The following ADCY3 variants were observed in gnomAD, a reference collection of about 807,000 sequenced individuals.
ADCY3 encodes the protein adenylate cyclase type 3.
ADCY3 carries 70 observed loss-of-function variants against 119.4 expected under a neutral mutation model. The ratio of observed to expected loss-of-function variants is 0.59; its 90% CI spans 0.48 to 0.72. The LOEUF is 0.72. Among genes scored for constraint, ADCY3 ranks in the 30% least tolerant of loss-of-function variants. The pLI, the probability that ADCY3 is intolerant of heterozygous loss-of-function variation, is 0.00. For missense variants in ADCY3, 1,238 were observed against 1,541.6 expected (o/e 0.80, Z 3.30); for synonymous variants, 672 against 621.4 (o/e 1.08, Z -1.21).
Position 24,842,400 on chromosome 2 carries a change from G to C in ADCY3, c.826-16C>G. 1 of 1,614,086 alleles carries C rather than the reference G, an allele frequency of 6.2e-7. No homozygotes were observed. The highest frequency in any genetic ancestry group is 1.1e-5 in the South Asian group (1 of 91,078). On this transcript the variant is annotated splice_polypyrimidine_tract_variant and intron_variant, in intron 3 of 21. Coordinates refer to ENST00000679454, the MANE Select transcript of ADCY3 (RefSeq NM_004036.5). The surrounding 1 kb of genome is among the most constrained non-coding windows in gnomAD (Gnocchi z 4.9). ...TGAGGTTCTCCTGTGAGGGGCAGGA[G>C]AGGGTCAGAGGCAAAGGTAGGCCCT...
rs766949371 is a variant in ADCY3, at chr2:24,822,606, C to T, written c.2908G>A (p.Val970Met). 1.2e-6 allele frequency: 2 copies of T among 1,614,048 alleles called. No individual in the cohort carries two copies. Among genetic ancestry groups the T allele is most frequent in the African/African-American group, 2.7e-5 (2 of 75,006 alleles). Residue 970 changes from valine to methionine, a missense_variant, in exon 19 of 22, where the codon GTG becomes ATG. Val to Met is a conservative substitution (Grantham distance 21). Coordinates refer to ENST00000679454, the MANE Select transcript of ADCY3 (RefSeq NM_004036.5). Reference sequence around the variant, plus strand: ...CCAATGGTTTTGATCTTGGTGATCACCCGGAACTTGGGATTGTCCAGGAGC... The same window carrying T: ...CCAATGGTTTTGATCTTGGTGATCATCCGGAACTTGGGATTGTCCAGGAGC... ...DSLLDNPKFR[V>M]ITKIKTIGST...
chr2:24,842,845 G>A lies in ADCY3; in HGVS notation c.826-461C>T, dbSNP rs747117855. Among the ~76,000 whole-genome samples, 2 of 152,320 alleles carry A rather than the reference G, an allele frequency of 1.3e-5. No homozygotes were observed. The highest frequency in any genetic ancestry group is 1.9e-4 in the East Asian group (1 of 5,182). ...ACCAGGCACTACACGAGGCGCCAGC[G>A]ACACAAAACCAGCAAGAACGTCCAC... On this transcript the variant is annotated intron_variant, in intron 3 of 21. Coordinates refer to ENST00000679454, the MANE Select transcript of ADCY3 (RefSeq NM_004036.5). The surrounding 1 kb of genome is among the most constrained non-coding windows in gnomAD (Gnocchi z 4.9).
At chr2:24,823,047 C>T (rs961310335) in intron 18 of ADCY3, among the ~76,000 whole-genome samples, 162 bp downstream of exon 18, 3 of 152,180 alleles carry the variant, frequency 2.0e-5, no homozygotes, top group African/African-American at 7.2e-5. Flanking sequence ...CCTCCCCTTC[C>T]CCAGCCCAGC....
chr2:24,838,888 C>T (rs753639311), intron 7 of ADCY3: 7 of 1,575,484 alleles, frequency 4.4e-6, no homozygotes, highest in Middle Eastern at 1.7e-4. Flanking sequence ...CACAGGAGTA[C>T]AATCTTTCTT....
chr2:24,839,133 G>A (rs981928901), intron 7 of ADCY3, among the ~76,000 whole-genome samples: 1 of 151,950 alleles, frequency 6.6e-6, no homozygotes, highest in Non-Finnish European at 1.5e-5. Context: ...GTAGAGATGG[G>A]GTTTCGTCAT....
chr2:24,895,864 A>T (rs1333135731), intron 2 of ADCY3, among the ~76,000 whole-genome samples: 1 of 152,130 alleles, frequency 6.6e-6, no homozygotes, highest in East Asian at 1.9e-4. Flanking sequence ...TTATGTGCTT[A>T]ATTTTAGATA....
At chr2:24,911,667 C>T (rs1663690258) in intron 2 of ADCY3, among the ~76,000 whole-genome samples, 1 of 128,144 alleles carries the variant, frequency 7.8e-6, no homozygotes, top group Admixed American at 7.4e-5. Flanking sequence ...AACACACACA[C>T]ACACACCACC....
chr2:24,870,784 C>T (rs1298931262), intron 3 of ADCY3, among the ~76,000 whole-genome samples: 2 of 152,190 alleles, frequency 1.3e-5, no homozygotes, highest in African/African-American at 4.8e-5. Flanking sequence ...CCCGTGCACT[C>T]GGCCTACCTC....
rs745502402 is a variant in ADCY3, at chr2:24,872,650, G to A, written c.745C>T (p.Arg249Cys). The A allele has an allele frequency of 4.7e-5, 76 of 1,614,068 alleles. 1 individual carries two copies. In the Admixed American group the frequency reaches 8.8e-4, roughly 19 times the overall value. The change falls in exon 3 of 22, where the codon CGC becomes TGC. Residue 249 changes from arginine (R) to cysteine (C), a missense_variant. Arg to Cys is a radical substitution (Grantham distance 180, BLOSUM62 -3). Transcript: ENST00000679454. The surrounding 1 kb of genome is among the most constrained non-coding windows in gnomAD (Gnocchi z 4.4). ...TCCAGGAAGGCCTTGCGGTGCTTGC[G>A]GTCAGCCATGTAGTAGGACATGATG... Reference protein sequence around the residue: ...VGIMSYYMADRKHRKAFLEAR... With the variant: ...VGIMSYYMADCKHRKAFLEAR...
chr2:24,887,112 G>A (rs763967076), intron 2 of ADCY3, among the ~76,000 whole-genome samples: 6 of 152,228 alleles, frequency 3.9e-5, no homozygotes, highest in Non-Finnish European at 7.3e-5. Context: ...TGGCTGGGAA[G>A]GCCTCAGGAA....
At chr2:24,847,742 G>T (rs976863116) in intron 3 of ADCY3, among the ~76,000 whole-genome samples, 5 of 152,250 alleles carry the variant, frequency 3.3e-5, no homozygotes, top group South Asian at 2.1e-4. Flanking sequence ...GAAAAGATGA[G>T]CCTCTAGGAA....
At chr2:24,861,634 G>A (rs750252470) in intron 3 of ADCY3, among the ~76,000 whole-genome samples, 4 of 152,096 alleles carry the variant, frequency 2.6e-5, no homozygotes, top group African/African-American at 4.8e-5. Context: ...CTCTAGTACC[G>A]GCCTGCACTC....
At chr2:24,876,688 A>G (rs1482277953) in intron 2 of ADCY3, among the ~76,000 whole-genome samples, 1 of 152,126 alleles carries the variant, frequency 6.6e-6, no homozygotes, top group Non-Finnish European at 1.5e-5. Context: ...GATGCTGGGT[A>G]AGCAGGGCAG....
chr2:24,831,907 A>ACAGGGGCCAGGGGC (rs754512924), intron 11 of ADCY3, among the ~76,000 whole-genome samples, 158 bp from the exon 12 acceptor site: 8 of 88,464 alleles, frequency 9.0e-5, no homozygotes, highest in Admixed American at 2.3e-4. Flanking sequence ...GGGACAGCGG[A>ACAGGGGCCAGGGGC]CAGGGGCCAG....
At position 24,839,737 on chromosome 2, in the gene ADCY3, G is replaced by A. The variant is rs969350802; in HGVS notation, c.1355+136C>T. 11 of 1,288,174 alleles carry A rather than the reference G, an allele frequency of 8.5e-6. No individual in the cohort carries two copies. In the Admixed American group the frequency reaches 1.8e-4, roughly 21 times the overall value. The allele number at this position is 1,288,174 out of a possible 1,614,324, so 79.8% of individuals were successfully genotyped here. A position where few individuals can be genotyped will look rare whatever the true frequency, so the allele number is the denominator to read the frequency against. On this transcript the variant is annotated intron_variant, in intron 7 of 21. Coordinates refer to ENST00000679454, the MANE Select transcript of ADCY3 (RefSeq NM_004036.5). ...CCAGGGCCAGGACCAGGGCGAGACAGGAGGAATGCTGTTCCGGGGTTGTAG... is the reference window on the plus strand; with the variant it reads ...CCAGGGCCAGGACCAGGGCGAGACAAGAGGAATGCTGTTCCGGGGTTGTAG...
chr2:24,904,403 G>C (rs887945909), intron 2 of ADCY3, among the ~76,000 whole-genome samples: 2 of 152,012 alleles, frequency 1.3e-5, no homozygotes, highest in Non-Finnish European at 2.9e-5. Context: ...GGTGGCACAT[G>C]CCTGTAGTCC....
chr2:24,821,301 A>G (rs1667663218), intron 20 of ADCY3: 5 of 605,168 alleles, frequency 8.3e-6, no homozygotes, highest in Non-Finnish European at 1.4e-5. Context: ...CAGTAGGCAC[A>G]GTATAGTCGG....
Position 24,899,172 on chromosome 2 carries a change from C to G in ADCY3, c.675+19141G>C, listed in dbSNP as rs541327235. On this transcript the variant is annotated intron_variant, in intron 2 of 21. Coordinates refer to ENST00000679454, the MANE Select transcript of ADCY3 (RefSeq NM_004036.5). The surrounding 1 kb of genome is among the most constrained non-coding windows in gnomAD (Gnocchi z 4.5). ...CCTAGGCAACTCCCTAGGCAGCTGA[C>G]CCACAGAGGCCCAGGGAGGTCAGCT... 2.6e-4 allele frequency among the ~76,000 whole-genome samples: 40 copies of G among 152,252 alleles called. No individual in the cohort carries two copies. The highest frequency in any genetic ancestry group is 5.3e-4 in the Non-Finnish European group (36 of 68,004).
intron 19 of ADCY3, chr2:24,822,304 A>AG (rs1346743024): frequency 6.3e-6 from 4 of 636,132 alleles, no homozygotes; most frequent in African/African-American, 1.8e-5. Flanking sequence ...AGCTGTGAAC[A>AG]GCAGGGGGTT....
Sources: allele counts gnomAD v4.1 joint callset (sites outside exome capture counted in the v4.1 genomes callset), GRCh38; gene constraint gnomAD v4.1.1; non-coding constraint Gnocchi (gnomAD v3.1); transcripts MANE v1.5; gene names NCBI Gene and HGNC (gene_info 2026-07-23, HGNC 2026-07-21).